PRELID2: variants seen among roughly 807,000 people sequenced by gnomAD.
The protein encoded by PRELID2 is PRELI domain-containing protein 2.
In PRELID2, 25 loss-of-function variants were observed where a neutral mutation model predicts 28.4. The observed-to-expected ratio is 0.88, with a 90% CI of 0.64 to 1.23. The LOEUF (loss-of-function observed/expected upper bound fraction) is 1.23, where lower values mean the gene tolerates loss of function less well. Ranked by LOEUF, PRELID2 falls within the 50% of genes most tolerant of loss-of-function variation. PRELID2 has a pLI of 0.00. For missense variants in PRELID2, 201 were observed against 214.4 expected (o/e 0.94, Z 0.39); for synonymous variants, 76 against 71.6 (o/e 1.06, Z -0.31).
At chr5:145,432,988 A>G in the PRELID2 span, among the ~76,000 whole-genome samples, 5 of 152,260 alleles carry the variant, frequency 3.3e-5, no homozygotes, top group East Asian at 9.7e-4. Flanking sequence ...TAAAGGGACG[A>G]GAAGGGTCAA....
chr5:145,403,865 ACTC>A, the PRELID2 span, among the ~76,000 whole-genome samples: 4 of 152,040 alleles, frequency 2.6e-5, no homozygotes, highest in Non-Finnish European at 5.9e-5. Context: ...CTGAAGAGAA[ACTC>A]CTCAAGAGAC....
chr5:145,544,964 A>G (rs1241121570), intron 1 of PRELID2, among the ~76,000 whole-genome samples: 1 of 152,110 alleles, frequency 6.6e-6, no homozygotes, highest in Non-Finnish European at 1.5e-5. Flanking sequence ...GTTCATGTCA[A>G]GTCGAATTTT....
At chr5:145,825,425 T>C (rs748743787) in intron 1 of PRELID2, among the ~76,000 whole-genome samples, 5 of 152,080 alleles carry the variant, frequency 3.3e-5, no homozygotes, top group Non-Finnish European at 5.9e-5. Context: ...GTCCTCTGAA[T>C]TGTGATTATA....
At chr5:145,517,865 A>G (rs1440648370) in intron 1 of PRELID2, among the ~76,000 whole-genome samples, 1 of 152,176 alleles carries the variant, frequency 6.6e-6, no homozygotes, top group Non-Finnish European at 1.5e-5. Context: ...GGTGGAAACC[A>G]TCATTCTCAG....
At chr5:145,694,066 C>G (rs994441249) in intron 1 of PRELID2, among the ~76,000 whole-genome samples, 2 of 152,104 alleles carry the variant, frequency 1.3e-5, no homozygotes, top group African/African-American at 4.8e-5. Flanking sequence ...TCTGTTTCCT[C>G]CTCTGTAAAA....
At chr5:145,614,577 T>A (rs1420021722) in intron 1 of PRELID2, among the ~76,000 whole-genome samples, 1 of 116,298 alleles carries the variant, frequency 8.6e-6, no homozygotes, top group Non-Finnish European at 1.7e-5. Context: ...TTTTTATTAC[T>A]TTTTTTTGCA....
intron 1 of PRELID2, chr5:145,729,104 G>A: frequency 1.7e-6 from 1 of 589,956 alleles, no homozygotes. Context: ...TGGTCCCATT[G>A]TTACCCTGGT....
At chr5:145,353,054 C>T in the PRELID2 span, among the ~76,000 whole-genome samples, 1 of 152,148 alleles carries the variant, frequency 6.6e-6, no homozygotes, top group African/African-American at 2.4e-5. Flanking sequence ...CTAACCTCTC[C>T]CTGTTACCCA....
chr5:145,826,071 T>C (rs1755172335), intron 1 of PRELID2: 6 of 985,414 alleles, frequency 6.1e-6, no homozygotes, highest in South Asian at 9.4e-5. Flanking sequence ...GACTGCAGAA[T>C]TGATCAAGCT....
intron 1 of PRELID2, among the ~76,000 whole-genome samples, chr5:145,696,628 A>AT (rs1360228870): frequency 2.0e-5 from 3 of 151,660 alleles, no homozygotes. Flanking sequence ...CACCTGGCTA[A>AT]TTTTTTTGTA....
chr5:145,319,461 G>A, the PRELID2 span, among the ~76,000 whole-genome samples: 5 of 152,008 alleles, frequency 3.3e-5, no homozygotes, highest in African/African-American at 1.2e-4. Context: ...CTGAGGTCAG[G>A]AGTTTGAGAC....
At chr5:145,592,459 T>TACACACACATACATAC (rs1753244316) in intron 1 of PRELID2, among the ~76,000 whole-genome samples, 1 of 144,020 alleles carries the variant, frequency 6.9e-6, no homozygotes, top group African/African-American at 2.8e-5. Context: ...TATATAAATA[T>TACACACACATACATAC]ACACACACAT....
At chr5:145,801,327 C>A (rs1455538225) in intron 4 of PRELID2, among the ~76,000 whole-genome samples, 1 of 152,140 alleles carries the variant, frequency 6.6e-6, no homozygotes. Context: ...CCTTTTCCCA[C>A]GTTATGTAAT....
At chr5:145,653,428 C>T (rs1019166916) in intron 1 of PRELID2, among the ~76,000 whole-genome samples, 1 of 152,194 alleles carries the variant, frequency 6.6e-6, no homozygotes, top group African/African-American at 2.4e-5. Flanking sequence ...CTCTCCACCC[C>T]AAATCAACAG....
intron 1 of PRELID2, among the ~76,000 whole-genome samples, chr5:145,581,686 T>C (rs1458172766): frequency 2.0e-5 from 3 of 152,076 alleles, no homozygotes; most frequent in African/African-American, 7.2e-5. Flanking sequence ...ACATGGCACC[T>C]AACCAGACGT....
the PRELID2 span, among the ~76,000 whole-genome samples, chr5:145,247,951 A>G: frequency 6.6e-6 from 1 of 152,124 alleles, no homozygotes; most frequent in Non-Finnish European, 1.5e-5. Flanking sequence ...AAAAAGGGCC[A>G]AACACTTCAA....
At chr5:145,651,916 C>A (rs988569564) in intron 1 of PRELID2, among the ~76,000 whole-genome samples, 1 of 152,188 alleles carries the variant, frequency 6.6e-6, no homozygotes, top group African/African-American at 2.4e-5. Flanking sequence ...ATGACTTTGA[C>A]AAGTTGAGAG....
intron 5 of PRELID2, among the ~76,000 whole-genome samples, chr5:145,792,194 A>G (rs1752440391): frequency 1.3e-5 from 2 of 152,322 alleles, no homozygotes; most frequent in Admixed American, 6.5e-5. Flanking sequence ...GCAGAAATCA[A>G]GAGCACTCTG....
At chr5:145,287,638 A>C in the PRELID2 span, among the ~76,000 whole-genome samples, 1 of 152,200 alleles carries the variant, frequency 6.6e-6, no homozygotes, top group Non-Finnish European at 1.5e-5. Flanking sequence ...TTATACAAAA[A>C]TTTCAAAGAG....
Sources: gnomAD v4.1 joint callset for allele counts (sites outside exome capture counted in the v4.1 genomes callset) on GRCh38, gnomAD v4.1.1 for gene constraint, MANE v1.5 for transcripts, NCBI Gene and HGNC (gene_info 2026-07-23, HGNC 2026-07-21) for gene names.